TADA2A: variants seen among roughly 807,000 people sequenced by gnomAD.
TADA2A encodes transcriptional adaptor 2A.
A neutral mutation model predicts 67.4 loss-of-function variants in TADA2A; 38 were observed. That is an observed-to-expected ratio of 0.56 (90% CI 0.44 to 0.74). TADA2A has a LOEUF of 0.74. TADA2A is among the 30% of genes least tolerant of loss of function. TADA2A has a pLI of 0.00. For synonymous variants in TADA2A, 192 were observed against 181.6 expected (o/e 1.06, Z -0.46); for missense variants, 454 against 547.0 (o/e 0.83, Z 1.70).
chr17:37,442,471 C>T, intron 6 of TADA2A, 93 bp from the exon 7 acceptor site: 2 of 950,040 alleles, frequency 2.1e-6, no homozygotes, highest in Non-Finnish European at 3.1e-6. Flanking sequence ...TTATAAAAAC[C>T]ATTTTAAATT....
chr17:37,411,698 G>A (rs1159011440), intron 2 of TADA2A, among the ~76,000 whole-genome samples: 1 of 151,788 alleles, frequency 6.6e-6, no homozygotes, highest in African/African-American at 2.4e-5. Flanking sequence ...CCAAAGTGCT[G>A]GGATTACAGG....
intron 4 of TADA2A, among the ~76,000 whole-genome samples, chr17:37,434,872 C>T (rs192723716): frequency 6.6e-6 from 1 of 152,268 alleles, no homozygotes; most frequent in East Asian, 1.9e-4. Flanking sequence ...TATTGATGCT[C>T]AAAATATTCC....
chr17:37,409,771 A>AC lies in TADA2A; in HGVS notation c.-97-1498_-97-1497insC, dbSNP rs1437200769. Among the ~76,000 whole-genome samples, 5 of 143,308 alleles carry AC rather than the reference A, an allele frequency of 3.5e-5. No individual in the cohort carries two copies. The East Asian group carries it at 6.0e-4, about 17-fold the overall frequency. 94.0% of individuals were successfully genotyped at this position (143,308 alleles called of 152,430 possible). The stretch of plus-strand genomic sequence containing the variant: ...AACGAGAGCGAGACTTAGTCTCAAA[A>AC]AAAAACAAAAACAAAAACAAAAAGC... On this transcript the variant is annotated intron_variant, in intron 1 of 15. Transcript: ENST00000615182.
rs2053950898 is a variant in TADA2A, at chr17:37,479,681, T to G, written c.*2699T>G. 6.6e-6 allele frequency: 1 copy of G among 152,332 alleles called. No homozygotes were observed. Among genetic ancestry groups the G allele is most frequent in the African/African-American group, 2.4e-5 (1 of 41,582 alleles). The allele number at this position is 152,332 out of a possible 1,614,324, so 9.4% of individuals were successfully genotyped here. A position where few individuals can be genotyped will look rare whatever the true frequency, so the allele number is the denominator to read the frequency against. The stretch of plus-strand genomic sequence containing the variant: ...AGTTTCTGCTGGAGTTTTATGCATA[T>G]TTTTCTCTCTAAGTGGTGGGAAATA... On this transcript the variant is annotated 3_prime_UTR_variant, in exon 16 of 16. Transcript: ENST00000615182.
intron 2 of TADA2A, among the ~76,000 whole-genome samples, chr17:37,423,174 T>C (rs1372721940): frequency 6.6e-6 from 1 of 152,164 alleles, no homozygotes; most frequent in African/African-American, 2.4e-5. Context: ...CAGGTTACAG[T>C]GAGCTATTGT....
chr17:37,434,013 G>A (rs1010533682), intron 4 of TADA2A, among the ~76,000 whole-genome samples: 1 of 151,880 alleles, frequency 6.6e-6, no homozygotes. Context: ...AGTAACTATA[G>A]ATTTTATTCA....
intron 2 of TADA2A, among the ~76,000 whole-genome samples, chr17:37,422,068 CAG>C (rs1226645475): frequency 2.1e-5 from 3 of 142,208 alleles, no homozygotes; most frequent in Admixed American, 7.1e-5. Context: ...TTTTTTGAGA[CAG>C]AGTAAGACTC....
At chr17:37,439,934 ATTTATTTATTATT>A (rs1378372579) in intron 5 of TADA2A, among the ~76,000 whole-genome samples, 8 of 88,880 alleles carry the variant, frequency 9.0e-5, no homozygotes, top group Admixed American at 2.3e-4. Context: ...TTATTTATTT[ATTTATTTATTATT>A]TTTTTTTTTT....
chr17:37,425,000 C>G (rs1225889038), intron 3 of TADA2A, among the ~76,000 whole-genome samples: 2 of 152,098 alleles, frequency 1.3e-5, no homozygotes, highest in African/African-American at 4.8e-5. Flanking sequence ...CTGCTTCAAC[C>G]TCCCGAGTAG....
intron 1 of TADA2A, chr17:37,408,467 T>C (rs2051725597): frequency 6.6e-6 from 1 of 152,172 alleles, no homozygotes; most frequent in Non-Finnish European, 1.5e-5. Flanking sequence ...GTCAGGCTGA[T>C]CTCGAACTGC....
intron 4 of TADA2A, among the ~76,000 whole-genome samples, chr17:37,430,145 A>G (rs2052528694): frequency 1.3e-5 from 2 of 152,188 alleles, no homozygotes; most frequent in African/African-American, 4.8e-5. Flanking sequence ...TTCTGGCATC[A>G]TGTCTTCTTC....
intron 15 of TADA2A, 77 bp from the exon 16 acceptor site, chr17:37,476,720 A>AT (rs1272106074): frequency 2.2e-5 from 33 of 1,520,344 alleles, no homozygotes; most frequent in Non-Finnish European, 2.7e-5. Flanking sequence ...ACTTTAAAAA[A>AT]TTTTTTGCTA....
chr17:37,473,464 A>C (rs2053833955), intron 14 of TADA2A, among the ~76,000 whole-genome samples: 1 of 152,012 alleles, frequency 6.6e-6, no homozygotes, highest in Non-Finnish European at 1.5e-5. Flanking sequence ...TCCCTTTTTG[A>C]GGATTTGGAA....
At chr17:37,453,261 T>G (rs2053281670) in intron 8 of TADA2A, among the ~76,000 whole-genome samples, 1 of 152,208 alleles carries the variant, frequency 6.6e-6, no homozygotes, top group Admixed American at 6.5e-5. Context: ...GGTATCAGAA[T>G]TTATCTCTAT....
chr17:37,445,352 G>C (rs1442993807), intron 8 of TADA2A, among the ~76,000 whole-genome samples: 2 of 152,288 alleles, frequency 1.3e-5, no homozygotes, highest in Non-Finnish European at 2.9e-5. Context: ...TGCAACCTCT[G>C]TCTCCCAGGT....
At chr17:37,462,198 TAGTTCTTAATCCA>T in intron 10 of TADA2A, 77 bp downstream of exon 10, 1 of 1,010,222 alleles carries the variant, frequency 9.9e-7, no homozygotes, top group East Asian at 2.7e-5. Context: ...TCACGTATTG[TAGTTCTTAATCCA>T]AGTTGCATAT....
At chr17:37,423,467 T>C in intron 2 of TADA2A, 42 bp from the exon 3 acceptor site, 1 of 1,469,636 alleles carries the variant, frequency 6.8e-7, no homozygotes, top group Admixed American at 1.9e-5. Flanking sequence ...AAGATAACCG[T>C]AAGGTGGTCT....
intron 3 of TADA2A, among the ~76,000 whole-genome samples, chr17:37,424,047 C>G (rs560451348): frequency 6.6e-6 from 1 of 151,996 alleles, no homozygotes; most frequent in Non-Finnish European, 1.5e-5. Context: ...CGCACCCGGC[C>G]CCAATTTTTC....
At chr17:37,439,665 A>G (rs1375974065) in intron 5 of TADA2A, among the ~76,000 whole-genome samples, 1 of 152,130 alleles carries the variant, frequency 6.6e-6, no homozygotes, top group Non-Finnish European at 1.5e-5. Context: ...TCCATACCAC[A>G]AATTTGATAC....
Sources: gnomAD v4.1 joint callset for allele counts (sites outside exome capture counted in the v4.1 genomes callset) on GRCh38, gnomAD v4.1.1 for gene constraint, MANE v1.5 for transcripts, NCBI Gene and HGNC (gene_info 2026-07-23, HGNC 2026-07-21) for gene names.